The following MYO16 variants were observed in gnomAD, a reference collection of about 807,000 sequenced individuals.
MYO16 encodes myosin XVI.
MYO16 carries 94 observed loss-of-function variants against 205.3 expected under a neutral mutation model. That is an observed-to-expected ratio of 0.46 (90% CI 0.39 to 0.54). The LOEUF (loss-of-function observed/expected upper bound fraction) is 0.54. MYO16 is among the 20% of genes least tolerant of loss of function. The pLI, the probability that MYO16 is intolerant of heterozygous loss-of-function variation, is 0.00. For missense variants in MYO16, 2,315 were observed against 2,387.5 expected, an observed-to-expected ratio of 0.97 and a Z score of 0.63; for synonymous variants, 988 against 954.0, an observed-to-expected ratio of 1.04 and a Z score of -0.66.
At chr13:108,724,775 C>T (rs138275422) in intron 3 of MYO16, among the ~76,000 whole-genome samples, 71 of 152,222 alleles carry the variant, frequency 4.7e-4, no homozygotes, top group African/African-American at 1.6e-3. Context: ...ATTATGTTTT[C>T]ATTTCTCCCC....
chr13:109,166,655 A>C (rs760526544), intron 33 of MYO16: 9 of 152,232 alleles, frequency 5.9e-5, no homozygotes, highest in Non-Finnish European at 1.0e-4. Context: ...GGGATCCAGC[A>C]ATCTGACTCC....
intron 7 of MYO16, among the ~76,000 whole-genome samples, chr13:108,818,219 A>G (rs1309264386): frequency 6.6e-6 from 1 of 152,002 alleles, no homozygotes; most frequent in East Asian, 1.9e-4. Flanking sequence ...CCCCAACTCT[A>G]TTAAAAATAT....
intron 1 of MYO16, among the ~76,000 whole-genome samples, chr13:108,636,346 CTTTTTTTTTTTTTT>C (rs71125326): frequency 1.7e-4 from 14 of 81,296 alleles, no homozygotes; most frequent in African/African-American, 3.9e-4. Flanking sequence ...AAATATTTCC[CTTTTTTTTTTTTTT>C]TTTTTTTTTT....
chr13:108,724,545 T>C (rs1431135621), intron 3 of MYO16, among the ~76,000 whole-genome samples: 1 of 152,136 alleles, frequency 6.6e-6, no homozygotes, highest in East Asian at 1.9e-4. Context: ...TTCCTTTTTT[T>C]TAGTACTTGT....
intron 33 of MYO16, among the ~76,000 whole-genome samples, chr13:109,177,314 G>A (rs1408286965): frequency 6.6e-6 from 1 of 152,152 alleles, no homozygotes; most frequent in East Asian, 1.9e-4. Flanking sequence ...TTTCTCAAGG[G>A]TGGGGACTTT....
Position 108,727,771 on chromosome 13 carries a change from T to A in MYO16, c.507+188T>A, listed in dbSNP as rs531042295. Among the ~76,000 whole-genome samples the A allele has an allele frequency of 2.9e-4, 44 of 152,364 alleles. No individual in the cohort carries two copies. In the South Asian group the frequency reaches 7.7e-3, roughly 27 times the overall value. ...GTGGGTCACATAGTTTATAAAACAA[T>A]TTGTGCAGATACTATGCCAAATGCA... On this transcript the variant is annotated intron_variant, in intron 4 of 34. Coordinates refer to ENST00000457511, the MANE Select transcript of MYO16 (RefSeq NM_001198950.3).
intron 9 of MYO16, 147 bp from the exon 10 acceptor site, chr13:108,844,193 TTTC>T (rs1311539663): frequency 1.7e-5 from 9 of 520,062 alleles, no homozygotes; most frequent in Admixed American, 3.9e-5. Flanking sequence ...AGTTTACAGA[TTTC>T]TTACTAATTT....
chr13:108,893,803 GC>G (rs1402261443), intron 14 of MYO16, among the ~76,000 whole-genome samples: 11 of 152,100 alleles, frequency 7.2e-5, no homozygotes, highest in Non-Finnish European at 1.6e-4. Context: ...CACTGAGAGA[GC>G]CTGGTTCATT....
At chr13:108,989,380 A>T (rs1884743412) in intron 20 of MYO16, among the ~76,000 whole-genome samples, 1 of 152,164 alleles carries the variant, frequency 6.6e-6, no homozygotes, top group Non-Finnish European at 1.5e-5. Flanking sequence ...GAAACCTTAG[A>T]AAGTGGGGAA....
intron 4 of MYO16, among the ~76,000 whole-genome samples, chr13:108,736,826 G>A (rs967211511): frequency 2.0e-5 from 3 of 152,192 alleles, no homozygotes; most frequent in African/African-American, 7.2e-5. Context: ...TTGAGCAGTG[G>A]TTTGTAGTTC....
intron 16 of MYO16, among the ~76,000 whole-genome samples, chr13:108,946,817 C>G (rs1158140750): frequency 6.6e-6 from 1 of 152,050 alleles, no homozygotes; most frequent in African/African-American, 2.4e-5. Flanking sequence ...TCACAGCTCA[C>G]TGCAGCCCCA....
At chr13:108,839,148 G>A (rs1877100642) in intron 9 of MYO16, among the ~76,000 whole-genome samples, 1 of 152,084 alleles carries the variant, frequency 6.6e-6, no homozygotes, top group Non-Finnish European at 1.5e-5. Context: ...CATATCTCAT[G>A]ATGAGGGGCT....
chr13:108,634,654 C>T (rs1880143743), intron 1 of MYO16, among the ~76,000 whole-genome samples: 1 of 152,186 alleles, frequency 6.6e-6, no homozygotes, highest in African/African-American at 2.4e-5. Context: ...TTTACTTAAA[C>T]CACCTTTATG....
chr13:108,805,172 T>C (rs181723516), intron 6 of MYO16, among the ~76,000 whole-genome samples: 5 of 152,206 alleles, frequency 3.3e-5, no homozygotes, highest in Middle Eastern at 3.2e-3. Context: ...AGAGCAAGTA[T>C]GTAAAATTAT....
chr13:108,984,331 C>T (rs1018737329), intron 20 of MYO16, among the ~76,000 whole-genome samples: 2 of 152,140 alleles, frequency 1.3e-5, no homozygotes, highest in South Asian at 2.1e-4. Flanking sequence ...CCCAGTGCAT[C>T]GACCTTAACA....
upstream of MYO16, among the ~76,000 whole-genome samples, chr13:108,595,180 T>C (rs1008330160): frequency 2.6e-5 from 4 of 152,232 alleles, no homozygotes; most frequent in Admixed American, 2.6e-4. Flanking sequence ...CTAATTGTTT[T>C]ATAGATACAT....
At chr13:108,917,233 G>A (rs1881537597) in intron 16 of MYO16, among the ~76,000 whole-genome samples, 1 of 152,216 alleles carries the variant, frequency 6.6e-6, no homozygotes, top group South Asian at 2.1e-4. Flanking sequence ...GGCCATCTTG[G>A]TGGCTCAGCC....
At chr13:108,539,219 G>A in the MYO16 span, among the ~76,000 whole-genome samples, 18 of 152,150 alleles carry the variant, frequency 1.2e-4, no homozygotes, top group Admixed American at 1.1e-3. Context: ...CCTTTTTAAC[G>A]TTAATAATTT....
At chr13:108,700,927 A>G (rs7318405) in intron 2 of MYO16, among the ~76,000 whole-genome samples, 109,870 of 152,036 alleles carry the variant, frequency 0.72, 39,741 homozygotes, top group East Asian at 0.86. Context: ...CTTTGCACAA[A>G]TAGGAAGTGC....
Sources: gnomAD v4.1 joint callset for allele counts (sites outside exome capture counted in the v4.1 genomes callset) on GRCh38, gnomAD v4.1.1 for gene constraint, MANE v1.5 for transcripts, NCBI Gene and HGNC (gene_info 2026-07-23, HGNC 2026-07-21) for gene names.